COMMD1: variants seen among roughly 807,000 people sequenced by gnomAD.
COMMD1 encodes the protein COMM domain-containing protein 1.
A neutral mutation model predicts 17.2 loss-of-function variants in COMMD1; 10 were observed. The ratio of observed to expected loss-of-function variants is 0.58; its 90% confidence interval spans 0.36 to 0.99. The LOEUF is 0.99. Among genes scored for constraint, COMMD1 ranks in the 50% least tolerant of loss-of-function variants. The pLI is 0.01. For synonymous variants in COMMD1, 97 were observed against 91.6 expected (o/e 1.06, Z -0.34); for missense variants, 270 against 231.8 (o/e 1.17, Z -1.07).
At chr2:61,996,575 G>C (rs1000096789) in intron 1 of COMMD1, among the ~76,000 whole-genome samples, 1 of 152,110 alleles carries the variant, frequency 6.6e-6, no homozygotes, top group Non-Finnish European at 1.5e-5. Context: ...ATTGGAGTCA[G>C]TTCTCTCCAA....
intron 1 of COMMD1, among the ~76,000 whole-genome samples, chr2:61,890,846 A>G (rs985234471): frequency 3.8e-5 from 5 of 131,020 alleles, no homozygotes; most frequent in Admixed American, 7.8e-5. Context: ...AAAAAAAAAA[A>G]AAGAAGGATA....
In COMMD1 at chr2:62,088,412, A is replaced by G. The variant is rs1161631659; in HGVS notation, c.463-47419A>G. On this transcript the variant is annotated intron_variant, in intron 2 of 2. Coordinates refer to ENST00000311832, the MANE Select transcript of COMMD1 (RefSeq NM_152516.4). ...ATGTACTGTGGGCACTTTCAGCTCA[A>G]TATGACATTTTTACTTCAAATATGT... 2.6e-5 allele frequency among the ~76,000 whole-genome samples: 4 copies of G among 152,222 alleles called. No homozygotes were observed. The East Asian group carries it at 5.8e-4, about 22-fold the overall frequency.
At chr2:62,109,175 C>CT (rs1672390929) in intron 2 of COMMD1, among the ~76,000 whole-genome samples, 2 of 152,202 alleles carry the variant, frequency 1.3e-5, no homozygotes, top group Admixed American at 1.3e-4. Context: ...TTTCCTATCT[C>CT]TTAATTGAAA....
intron 2 of COMMD1, among the ~76,000 whole-genome samples, chr2:62,071,024 C>G (rs1005671408): frequency 4.6e-5 from 7 of 152,068 alleles, no homozygotes; most frequent in Admixed American, 4.6e-4. Flanking sequence ...GAGCAAGACT[C>G]CATCTCAAAA....
chr2:62,048,244 G>A (rs1156918204), intron 2 of COMMD1, among the ~76,000 whole-genome samples: 2 of 149,220 alleles, frequency 1.3e-5, no homozygotes, highest in East Asian at 3.9e-4. Context: ...GTGCAGTGGC[G>A]CGATCTCGGC....
intron 1 of COMMD1, among the ~76,000 whole-genome samples, chr2:61,942,833 C>T (rs1463335609): frequency 2.0e-5 from 3 of 152,030 alleles, no homozygotes; most frequent in Admixed American, 6.6e-5. Context: ...CCACTGTGTC[C>T]GGCTGTTAAT....
intron 2 of COMMD1, among the ~76,000 whole-genome samples, chr2:62,044,602 T>G (rs969994006): frequency 3.3e-5 from 5 of 152,236 alleles, no homozygotes; most frequent in Admixed American, 2.6e-4. Context: ...TTATTTGTCT[T>G]CCTGGCATCT....
Position 62,034,274 on chromosome 2 carries a change from G to A in COMMD1, c.462+33292G>A, listed in dbSNP as rs193198018. Among the ~76,000 whole-genome samples the A allele has an allele frequency of 3.9e-4, 60 of 151,990 alleles. No homozygotes were observed. The Middle Eastern group carries it at 0.01, about 26-fold the overall frequency. ...TCCAGCACTTTGGGAGGCCGAGGTG[G>A]GTGGATCACCTGAGGTCAGACGTTC... On this transcript the variant is annotated intron_variant, in intron 2 of 2. Transcript: ENST00000311832.
At chr2:62,127,593 C>T (rs1367228478) in intron 2 of COMMD1, among the ~76,000 whole-genome samples, 1 of 152,194 alleles carries the variant, frequency 6.6e-6, no homozygotes, top group African/African-American at 2.4e-5. Context: ...ACCATCTGAT[C>T]CTCAACAAAC....
intron 1 of COMMD1, among the ~76,000 whole-genome samples, chr2:61,893,100 C>A (rs192635720): frequency 1.3e-5 from 2 of 152,120 alleles, no homozygotes; most frequent in African/African-American, 2.4e-5. Flanking sequence ...CTCCCGACCA[C>A]AGGTGATCTG....
intron 1 of COMMD1, among the ~76,000 whole-genome samples, chr2:61,933,439 GGT>G (rs950087686): frequency 9.2e-5 from 14 of 151,848 alleles, no homozygotes; most frequent in African/African-American, 3.1e-4. Flanking sequence ...CAGAAAACTG[GGT>G]CAGCTGTTTT....
chr2:61,975,723 C>G (rs1183650891), intron 1 of COMMD1, among the ~76,000 whole-genome samples: 1 of 151,914 alleles, frequency 6.6e-6, no homozygotes, highest in Non-Finnish European at 1.5e-5. Context: ...CTTCTTTGAC[C>G]TTTATATTAT....
At chr2:62,003,159 G>T (rs548196854) in intron 2 of COMMD1, among the ~76,000 whole-genome samples, 1 of 152,130 alleles carries the variant, frequency 6.6e-6, no homozygotes, top group East Asian at 1.9e-4. Flanking sequence ...CTTGAACCTG[G>T]GAGGCAGAGG....
upstream of COMMD1, among the ~76,000 whole-genome samples, chr2:61,900,740 C>G (rs1020202064): frequency 3.3e-5 from 5 of 151,982 alleles, no homozygotes; most frequent in African/African-American, 1.2e-4. Flanking sequence ...ACAGTCAGGA[C>G]CCATGGAAAA....
rs143834333 is a variant in COMMD1 at position 62,067,340 on chromosome 2, G to A, written c.462+66358G>A. On this transcript the variant is annotated intron_variant, in intron 2 of 2. Coordinates refer to ENST00000311832, the MANE Select transcript of COMMD1 (RefSeq NM_152516.4). ...AAATTAGTTTTCTAAATGAAAAATC[G>A]GAACAAATCTTCTATTTGTATAGTT... is the stretch of plus-strand genomic sequence containing the variant. Among the ~76,000 whole-genome samples the A allele has an allele frequency of 5.0e-3, 760 of 152,176 alleles. 13 individuals carry two copies. The highest frequency in any genetic ancestry group is 0.017 in the African/African-American group (715 of 41,522).
intron 1 of COMMD1, among the ~76,000 whole-genome samples, chr2:61,890,876 A>G (rs1159120904): frequency 6.6e-6 from 1 of 151,106 alleles, no homozygotes; most frequent in Non-Finnish European, 1.5e-5. Flanking sequence ...GGAAATGAAG[A>G]TCCATAAACC....
intron 1 of COMMD1, among the ~76,000 whole-genome samples, chr2:61,894,844 A>G (rs541489540): frequency 6.6e-6 from 1 of 152,010 alleles, no homozygotes; most frequent in African/African-American, 2.4e-5. Flanking sequence ...GATTACAGGC[A>G]TGCACCACCA....
At chr2:62,118,709 C>T (rs188752383) in intron 2 of COMMD1, among the ~76,000 whole-genome samples, 50 of 152,286 alleles carry the variant, frequency 3.3e-4, no homozygotes, top group African/African-American at 1.2e-3. Flanking sequence ...TGGCAGTCCC[C>T]GTAAATTAAA....
intron 1 of COMMD1, among the ~76,000 whole-genome samples, chr2:61,941,945 C>T (rs1036974433): frequency 7.9e-5 from 12 of 152,268 alleles, no homozygotes; most frequent in African/African-American, 2.9e-4. Flanking sequence ...TTCTTGGTAA[C>T]CACAGGCCTC....
Sources: allele counts gnomAD v4.1 joint callset (sites outside exome capture counted in the v4.1 genomes callset), GRCh38; gene constraint gnomAD v4.1.1; transcripts MANE v1.5; gene names NCBI Gene and HGNC (gene_info 2026-07-23, HGNC 2026-07-21).